The following MICAL3 variants were observed in gnomAD, a reference collection of about 807,000 sequenced individuals.
MICAL3 encodes microtubule associated monooxygenase, calponin and LIM domain containing 3, also known as [F-actin]-monooxygenase MICAL3.
MICAL3 carries 62 observed loss-of-function variants against 207.4 expected under a neutral mutation model. That is an observed-to-expected ratio of 0.30 (90% CI 0.24 to 0.37). The LOEUF (loss-of-function observed/expected upper bound fraction) is 0.37, where lower values mean the gene tolerates loss of function less well. MICAL3 is among the 10% of genes least tolerant of loss of function. The probability of loss-of-function intolerance (pLI) is 1.00; values close to 1 mark genes in which losing one functional copy is unlikely to be tolerated. For synonymous variants in MICAL3, 1,077 were observed against 1,069.3 expected, an observed-to-expected ratio of 1.01 and a Z score of -0.14; for missense variants, 2,368 against 2,635.6, an observed-to-expected ratio of 0.90 and a Z score of 2.22.
chr22:17,831,536 C>T (rs1922807375), intron 21 of MICAL3, among the ~76,000 whole-genome samples: 3 of 152,330 alleles, frequency 2.0e-5, no homozygotes, highest in South Asian at 2.1e-4. Flanking sequence ...ACTGAAACTA[C>T]AGGGCAAAAA....
rs776062338 is a variant in MICAL3 at position 17,822,149 on chromosome 22, G to A, written c.3329C>T (p.Pro1110Leu). 8 of 1,613,734 alleles carry A rather than the reference G, an allele frequency of 5.0e-6. No homozygotes were observed. Among genetic ancestry groups the A allele is most frequent in the Middle Eastern group, 1.6e-4 (1 of 6,062 alleles). The change falls in exon 24 of 32, where the codon CCG (proline) becomes CTG (leucine). Residue 1110 changes from proline (P) to leucine (L), a missense_variant. Physicochemically the swap from Pro to Leu is moderately conservative, Grantham distance 98. Around this residue, in one of 4 missense-constraint regions of MICAL3, gnomAD observed 1,770 missense variants for 1,863.2 expected, o/e 0.95. Transcript: ENST00000441493. ...ACGCAGCTCTCTGTCAGCATCCGACGGGCTGTCAGACCAGTGCTGATCTGG... is the reference window on the plus strand; with the variant it reads ...ACGCAGCTCTCTGTCAGCATCCGACAGGCTGTCAGACCAGTGCTGATCTGG... The part of the protein sequence containing the change: ...LDDDQHWSDS[P>L]SDADRELRLP...
chr22:17,870,368 C>G (rs374422183), intron 17 of MICAL3, among the ~76,000 whole-genome samples: 1 of 152,284 alleles, frequency 6.6e-6, no homozygotes, highest in East Asian at 1.9e-4. Context: ...AAGCGACAAC[C>G]TAGGCTGTGT....
intron 20 of MICAL3, chr22:17,840,430 G>C (rs1257646714): frequency 6.6e-6 from 1 of 152,164 alleles, no homozygotes; most frequent in Non-Finnish European, 1.5e-5. Flanking sequence ...ACTTCAATCT[G>C]AGTAAGATGA....
At chr22:17,829,012 G>A (rs932294293) in intron 21 of MICAL3, among the ~76,000 whole-genome samples, 2 of 152,158 alleles carry the variant, frequency 1.3e-5, no homozygotes, top group African/African-American at 4.8e-5. Flanking sequence ...CGTATGTGGG[G>A]TATCAGCCCA....
chr22:17,812,360 G>A (rs1205571441), intron 27 of MICAL3: 2 of 201,232 alleles, frequency 9.9e-6, no homozygotes, highest in Non-Finnish European at 1.8e-5. Context: ...CGTGGCTAAC[G>A]GAAGTACTGC....
intron 19 of MICAL3, among the ~76,000 whole-genome samples, chr22:17,842,676 T>C (rs999692251): frequency 1.3e-5 from 2 of 152,388 alleles, no homozygotes; most frequent in East Asian, 1.9e-4. Context: ...CTCTCTGCGA[T>C]GCACAGGCAC....
At position 17,880,008 on chromosome 22, in the gene MICAL3, G is replaced by A. The variant is rs538036575; in HGVS notation, c.2241+5870C>T. On this transcript the variant is annotated intron_variant, in intron 16 of 31. Transcript: ENST00000441493. ...CTTGCTCATCCGAGGAGCCAGAAGC[G>A]GCAATCACAGGACCAGGGAAGGCTC... is the stretch of plus-strand genomic sequence containing the variant. Among the ~76,000 whole-genome samples the A allele has an allele frequency of 2.0e-5, 3 of 152,330 alleles. No individual in the cohort carries two copies. The East Asian group carries it at 5.8e-4, about 29-fold the overall frequency.
chr22:17,902,005 G>A lies in MICAL3; in HGVS notation c.590-26C>T, dbSNP rs748651943. ...CTGTGAACCAAAACCAAATAAATGG[G>A]GGTCACCACCCAGACCACATTCACA... On this transcript the variant is annotated intron_variant, in intron 4 of 31. Coordinates refer to ENST00000441493, the MANE Select transcript of MICAL3 (RefSeq NM_015241.3). The surrounding 1 kb of genome is among the most constrained non-coding windows in gnomAD (Gnocchi z 4.5). 6.4e-7 allele frequency: 1 copy of A among 1,550,570 alleles called. No individual in the cohort carries two copies. The highest frequency in any genetic ancestry group is 8.9e-7 in the Non-Finnish European group (1 of 1,127,456).
At chr22:17,860,784 ACCT>A in intron 19 of MICAL3, 1 of 983,462 alleles carries the variant, frequency 1.0e-6, no homozygotes. Flanking sequence ...CCACCCACTC[ACCT>A]CCTTACAGGC....
chr22:17,809,612 G>A (rs865897954), intron 28 of MICAL3, among the ~76,000 whole-genome samples: 3 of 152,142 alleles, frequency 2.0e-5, no homozygotes, highest in South Asian at 2.1e-4. Flanking sequence ...GCCTGGCCAC[G>A]GAGTGAGACT....
intron 17 of MICAL3, among the ~76,000 whole-genome samples, chr22:17,870,219 C>T (rs529845039): frequency 8.5e-5 from 13 of 152,258 alleles, no homozygotes; most frequent in African/African-American, 2.6e-4. Context: ...CACTGCCACC[C>T]GATCTCCCAC....
chr22:17,877,636 TAAG>T (rs1435182402), intron 16 of MICAL3, among the ~76,000 whole-genome samples: 6 of 151,898 alleles, frequency 4.0e-5, no homozygotes, highest in Middle Eastern at 3.4e-3. Flanking sequence ...GAAAAGAACT[TAAG>T]TAGTGTCCTC....
intron 1 of MICAL3, among the ~76,000 whole-genome samples, chr22:17,961,052 C>G (rs5992918): frequency 0.2 from 30,409 of 151,996 alleles, 3,201 homozygotes; most frequent in Middle Eastern, 0.27. Flanking sequence ...TTACCAGGGG[C>G]TCCTGGTTGC....
intron 1 of MICAL3, among the ~76,000 whole-genome samples, chr22:17,938,067 T>G (rs1299919110): frequency 6.6e-6 from 1 of 152,180 alleles, no homozygotes; most frequent in Non-Finnish European, 1.5e-5. Context: ...TTAAATTTTT[T>G]TAAAGTGTCA....
At chr22:17,951,857 C>T (rs536771904) in intron 1 of MICAL3, among the ~76,000 whole-genome samples, 6 of 151,928 alleles carry the variant, frequency 3.9e-5, no homozygotes, top group Non-Finnish European at 8.8e-5. Flanking sequence ...CCACCACACC[C>T]GGTTAATTTT....
At chr22:18,016,038 T>C (rs1468393375) in intron 1 of MICAL3, among the ~76,000 whole-genome samples, 2 of 152,234 alleles carry the variant, frequency 1.3e-5, no homozygotes, top group Non-Finnish European at 2.9e-5. Context: ...CTGGGTCTGG[T>C]AATTATATGG....
intron 1 of MICAL3, among the ~76,000 whole-genome samples, chr22:17,922,979 A>C (rs553579644): frequency 1.3e-5 from 2 of 152,250 alleles, no homozygotes; most frequent in African/African-American, 4.8e-5. Flanking sequence ...CTTAGGCATG[A>C]TTCATCAGTG....
intron 1 of MICAL3, among the ~76,000 whole-genome samples, chr22:17,966,482 A>G (rs1350469867): frequency 6.6e-6 from 1 of 152,148 alleles, no homozygotes; most frequent in Non-Finnish European, 1.5e-5. Flanking sequence ...TCCAGACAGT[A>G]CTGTTTGCAT....
chr22:17,944,763 A>G (rs1249620975), intron 1 of MICAL3, among the ~76,000 whole-genome samples: 2 of 152,138 alleles, frequency 1.3e-5, no homozygotes, highest in African/African-American at 2.4e-5. Context: ...ACAACTGGAC[A>G]TGTTAAGAGA....
Sources: allele counts gnomAD v4.1 joint callset (sites outside exome capture counted in the v4.1 genomes callset), GRCh38; gene constraint gnomAD v4.1.1; regional missense constraint gnomAD v4.1.1; non-coding constraint Gnocchi (gnomAD v3.1); transcripts MANE v1.5; gene names NCBI Gene and HGNC (gene_info 2026-07-23, HGNC 2026-07-21).